The following LRCH3 variants were observed in gnomAD, a reference collection of about 807,000 sequenced individuals.
The protein encoded by LRCH3 is DISP complex protein LRCH3.
In LRCH3, 68 loss-of-function variants were observed where a neutral mutation model predicts 104.5. That is an observed-to-expected ratio of 0.65 (90% confidence interval 0.54 to 0.80). The LOEUF is 0.80. LRCH3 is among the 30% of genes least tolerant of loss of function. The pLI is 0.00. For synonymous variants in LRCH3, 344 were observed against 361.3 expected (o/e 0.95, Z 0.54); for missense variants, 951 against 953.9 (o/e 1.00, Z 0.04).
intron 9 of LRCH3, 34 bp from the exon 10 acceptor site, chr3:197,839,287 T>C: frequency 7.1e-7 from 1 of 1,409,100 alleles, no homozygotes; most frequent in Non-Finnish European, 9.8e-7. Flanking sequence ...TGGATTAATA[T>C]ACTAAATTTA....
chr3:197,840,805 T>C (rs1004544274), intron 10 of LRCH3, among the ~76,000 whole-genome samples: 8 of 152,248 alleles, frequency 5.3e-5, no homozygotes, highest in African/African-American at 1.4e-4. Flanking sequence ...CTTTGAAATT[T>C]ATTTCAGAAT....
intron 1 of LRCH3, among the ~76,000 whole-genome samples, chr3:197,802,713 G>A (rs1381073102): frequency 6.6e-6 from 1 of 152,070 alleles, no homozygotes; most frequent in African/African-American, 2.4e-5. Context: ...ATTCAATCTC[G>A]GGAGGTTCTA....
intron 1 of LRCH3, among the ~76,000 whole-genome samples, chr3:197,813,790 C>T (rs1733504520): frequency 6.6e-6 from 1 of 152,040 alleles, no homozygotes; most frequent in African/African-American, 2.4e-5. Flanking sequence ...CTCAGCCTCC[C>T]AAAGTGCTGG....
At chr3:197,798,437 G>T (rs1020171254) in intron 1 of LRCH3, among the ~76,000 whole-genome samples, 2 of 152,204 alleles carry the variant, frequency 1.3e-5, no homozygotes, top group African/African-American at 4.8e-5. Flanking sequence ...CTCACCATTG[G>T]TGTAAAGCCT....
chr3:197,866,368 T>G (rs1043366890), intron 17 of LRCH3, 149 bp downstream of exon 17: 2 of 603,372 alleles, frequency 3.3e-6, no homozygotes, highest in African/African-American at 1.9e-5. Context: ...TCACTGATAC[T>G]AAAGCAGGAA....
rs1333481007 is a variant in LRCH3 at position 197,830,778 on chromosome 3, A to G, written c.896A>G (p.Glu299Gly). The change falls in exon 7 of 21, where the codon GAA becomes GGA. Residue 299 changes from glutamate to glycine, a missense_variant. Glu to Gly is a moderately conservative substitution (Grantham distance 98). Coordinates refer to ENST00000425562, the MANE Select transcript of LRCH3 (RefSeq NM_001365715.1). Reference protein sequence around the residue: ...RPLGFGSCHEELYSSRPYGAL... With the variant: ...RPLGFGSCHEGLYSSRPYGAL... The stretch of plus-strand genomic sequence containing the variant: ...GAGTCTCTTTTCGGCAGCCATGAAG[A>G]ACTGTACTCAAGTCGCCCTTATGGA... The G allele has an allele frequency of 1.9e-6, 3 of 1,613,566 alleles. No individual in the cohort carries two copies. In the Admixed American group the frequency reaches 5.0e-5, roughly 27 times the overall value.
At chr3:197,881,700 C>T in intron 20 of LRCH3, 2 of 985,372 alleles carry the variant, frequency 2.0e-6, no homozygotes, top group Non-Finnish European at 2.4e-6. Context: ...ATTCTAGTTT[C>T]ATAAGTGGTG....
At chr3:197,820,007 G>A (rs147990622) in intron 3 of LRCH3, among the ~76,000 whole-genome samples, 1 of 152,278 alleles carries the variant, frequency 6.6e-6, no homozygotes, top group African/African-American at 2.4e-5. Context: ...ACCATACTCC[G>A]CAGCAAGCGG....
At chr3:197,838,835 G>A (rs767092456) in intron 9 of LRCH3, among the ~76,000 whole-genome samples, 4 of 152,152 alleles carry the variant, frequency 2.6e-5, no homozygotes, top group East Asian at 1.9e-4. Context: ...ACTCAAGACT[G>A]TTTGTATGAG....
In LRCH3 at chr3:197,875,769, A is replaced by T. The variant is rs61738592; in HGVS notation, c.2202A>T (p.Val734=). ...TAGAAGCTTGCAGAAAAATTGGTGT[A>T]CCTCAGGTAATAAATTTATCATTTT... ...NFLEACRKIG[V]PQEQLCLPLH... is the part of the protein sequence containing the mutation. The change falls in exon 20 of 21, where the codon GTA becomes GTT. Residue 734 remains valine, a synonymous_variant. Transcript: ENST00000425562. The T allele has an allele frequency of 2.0e-6, 3 of 1,528,044 alleles. No homozygotes were observed. In the African/African-American group the frequency reaches 4.1e-5, roughly 21 times the overall value. The allele number at this position is 1,528,044 out of a possible 1,614,324, so 94.7% of individuals were successfully genotyped here.
chr3:197,865,126 T>A (rs1337617056), intron 15 of LRCH3, among the ~76,000 whole-genome samples: 2 of 152,158 alleles, frequency 1.3e-5, no homozygotes, highest in Non-Finnish European at 2.9e-5. Flanking sequence ...CCTCAGCCTC[T>A]ACAGGAGCAC....
chr3:197,884,679 C>T lies in LRCH3; in HGVS notation c.*1013C>T, dbSNP rs1409587800. On this transcript the variant is annotated 3_prime_UTR_variant, in exon 21 of 21. Transcript: ENST00000425562. ...TGCGGGGGAGGGTAATGGCCCCCTG[C>T]ATTTTTCACCCACATTTAAAATCAA... 6.6e-6 allele frequency: 1 copy of T among 152,270 alleles called. No individual in the cohort carries two copies. Among genetic ancestry groups the T allele is most frequent in the African/African-American group, 2.4e-5 (1 of 41,462 alleles). 9.4% of individuals were successfully genotyped at this position (152,270 alleles called of 1,614,324 possible).
Position 197,791,300 on chromosome 3 carries a change from G to A in LRCH3, c.22G>A (p.Ala8Thr), listed in dbSNP as rs764999605. The change falls in exon 1 of 21, where the codon GCT becomes ACT. Residue 8 changes from alanine (A) to threonine (T), a missense_variant. Ala to Thr is a moderately conservative substitution (Grantham distance 58). Transcript: ENST00000425562. ...GGAAATGGCGGCCGCGGGCTTGGTCGCTGTGGCAGCGGCTGCCGAGTACTC... is the reference window on the plus strand; with the variant it reads ...GGAAATGGCGGCCGCGGGCTTGGTCACTGTGGCAGCGGCTGCCGAGTACTC... MAAAGLV[A>T]VAAAAEYSGT... 1.9e-6 allele frequency: 3 copies of A among 1,608,682 alleles called. 1 individual carries two copies. Among genetic ancestry groups the A allele is most frequent in the South Asian group, 2.2e-5 (2 of 90,530 alleles).
chr3:197,845,331 C>A (rs1450949387), intron 10 of LRCH3, among the ~76,000 whole-genome samples: 1 of 148,830 alleles, frequency 6.7e-6, no homozygotes, highest in Non-Finnish European at 1.5e-5. Context: ...TTGCTTAACT[C>A]TGGGAGGTGG....
At chr3:197,870,770 C>T in intron 18 of LRCH3, among the ~76,000 whole-genome samples, 1 of 150,836 alleles carries the variant, frequency 6.6e-6, no homozygotes, top group East Asian at 1.9e-4. Context: ...GCTTCCGCGC[C>T]CGGCTGTAAT....
chr3:197,840,409 A>G (rs750325235), intron 10 of LRCH3, among the ~76,000 whole-genome samples: 2 of 152,216 alleles, frequency 1.3e-5, no homozygotes, highest in Non-Finnish European at 2.9e-5. Context: ...GTGAGCCGAG[A>G]TCGCACCATT....
intron 2 of LRCH3, among the ~76,000 whole-genome samples, chr3:197,816,415 G>A (rs1261110797): frequency 3.3e-5 from 5 of 151,984 alleles, no homozygotes; most frequent in African/African-American, 1.2e-4. Context: ...CGAGTAGCTG[G>A]GATTACAGGC....
intron 1 of LRCH3, among the ~76,000 whole-genome samples, chr3:197,791,979 G>C (rs926847635): frequency 6.6e-6 from 1 of 152,088 alleles, no homozygotes; most frequent in African/African-American, 2.4e-5. Flanking sequence ...GTCGGTCTCA[G>C]CCCTGGAGTT....
At chr3:197,881,571 G>C in intron 20 of LRCH3, 2 of 985,426 alleles carry the variant, frequency 2.0e-6, no homozygotes, top group Non-Finnish European at 2.4e-6. Flanking sequence ...AGTAGCAGGA[G>C]AAGTATTAGG....
Sources: gnomAD v4.1 joint callset for allele counts (sites outside exome capture counted in the v4.1 genomes callset) on GRCh38, gnomAD v4.1.1 for gene constraint, MANE v1.5 for transcripts, NCBI Gene and HGNC (gene_info 2026-07-23, HGNC 2026-07-21) for gene names.